The following KIF16B variants were observed in gnomAD, a reference collection of about 807,000 sequenced individuals.
KIF16B encodes kinesin-like protein KIF16B.
A neutral mutation model predicts 156.3 loss-of-function variants in KIF16B; 98 were observed. That is an observed-to-expected ratio of 0.63 (90% CI 0.53 to 0.74). The LOEUF (loss-of-function observed/expected upper bound fraction) is 0.74, where lower values mean the gene tolerates loss of function less well. Ranked by LOEUF, KIF16B falls within the 30% of genes least tolerant of loss-of-function variation. The pLI is 0.00. For synonymous variants in KIF16B, 564 were observed against 583.7 expected (o/e 0.97, Z 0.49); for missense variants, 1,421 against 1,606.5 (o/e 0.88, Z 1.97).
chr20:16,354,994 A>G (rs2064410668), intron 23 of KIF16B, among the ~76,000 whole-genome samples: 3 of 151,894 alleles, frequency 2.0e-5, no homozygotes, highest in South Asian at 2.1e-4. Flanking sequence ...TGCTTTCTCA[A>G]TGAAAACCTC....
intron 23 of KIF16B, among the ~76,000 whole-genome samples, chr20:16,347,060 C>T (rs1303860739): frequency 2.6e-5 from 4 of 152,034 alleles, no homozygotes; most frequent in Admixed American, 1.3e-4. Context: ...TTTCAGGTCC[C>T]GATTTCTTCA....
chr20:16,444,705 T>C (rs2066887881), intron 12 of KIF16B, among the ~76,000 whole-genome samples: 1 of 152,222 alleles, frequency 6.6e-6, no homozygotes, highest in Admixed American at 6.5e-5. Flanking sequence ...GTATCTACTT[T>C]AATGTATGTA....
At chr20:16,458,771 C>T (rs1007278007) in intron 12 of KIF16B, among the ~76,000 whole-genome samples, 4 of 152,104 alleles carry the variant, frequency 2.6e-5, no homozygotes, top group Non-Finnish European at 5.9e-5. Context: ...TAAACACACA[C>T]ACACACACAT....
At chr20:16,431,153 CACG>C (rs2066488429) in intron 12 of KIF16B, among the ~76,000 whole-genome samples, 1 of 152,078 alleles carries the variant, frequency 6.6e-6, no homozygotes, top group South Asian at 2.1e-4. Context: ...CCACCCGCAG[CACG>C]TGCCTCTGGC....
At chr20:16,486,877 T>C (rs2068131215) in intron 12 of KIF16B, among the ~76,000 whole-genome samples, 1 of 152,148 alleles carries the variant, frequency 6.6e-6, no homozygotes. Flanking sequence ...ATCTAAAATC[T>C]AGGAGAAATC....
chr20:16,351,948 T>A (rs1298525645), intron 23 of KIF16B, among the ~76,000 whole-genome samples: 2 of 152,216 alleles, frequency 1.3e-5, no homozygotes, highest in Non-Finnish European at 2.9e-5. Context: ...AGAAACAAAT[T>A]ACTGTTATAC....
intron 25 of KIF16B, among the ~76,000 whole-genome samples, chr20:16,302,089 C>T (rs879727168): frequency 1.3e-5 from 2 of 152,202 alleles, no homozygotes; most frequent in Non-Finnish European, 2.9e-5. Flanking sequence ...CCCTTCTCAT[C>T]CTCCTGACGG....
At chr20:16,367,783 G>A in intron 22 of KIF16B, 1 of 1,612,510 alleles carries the variant, frequency 6.2e-7, no homozygotes, top group East Asian at 2.2e-5. Context: ...GCAGGCAGCG[G>A]CATCAGGCTC....
chr20:16,468,207 G>C (rs574402441), intron 12 of KIF16B, among the ~76,000 whole-genome samples: 1 of 152,288 alleles, frequency 6.6e-6, no homozygotes, highest in East Asian at 1.9e-4. Context: ...CTAATCAAAA[G>C]AAAGTAGGAG....
At chr20:16,458,405 T>A (rs769638704) in intron 12 of KIF16B, among the ~76,000 whole-genome samples, 27 of 152,188 alleles carry the variant, frequency 1.8e-4, no homozygotes, top group Admixed American at 3.9e-4. Flanking sequence ...AAGCAAGCAT[T>A]AAGAAATCAA....
chr20:16,544,200 C>T (rs938282065), intron 1 of KIF16B, among the ~76,000 whole-genome samples: 1 of 152,110 alleles, frequency 6.6e-6, no homozygotes, highest in Non-Finnish European at 1.5e-5. Context: ...CAAACTGTTC[C>T]TTCTTGCAGG....
At chr20:16,444,849 C>T (rs190718312) in intron 12 of KIF16B, among the ~76,000 whole-genome samples, 17 of 152,312 alleles carry the variant, frequency 1.1e-4, no homozygotes, top group Admixed American at 1.0e-3. Context: ...AAAGCACAGA[C>T]ATTCATGATT....
intron 12 of KIF16B, among the ~76,000 whole-genome samples, chr20:16,476,799 G>A (rs563657763): frequency 3.9e-5 from 6 of 151,998 alleles, no homozygotes; most frequent in South Asian, 4.2e-4. Flanking sequence ...TCGCTCTGTC[G>A]CCAGGCTGGA....
intron 15 of KIF16B, among the ~76,000 whole-genome samples, chr20:16,410,018 CAT>C (rs532290716): frequency 1.3e-4 from 7 of 55,238 alleles, no homozygotes; most frequent in Non-Finnish European, 2.0e-4. Context: ...TATGTAGGTA[CAT>C]ATATATATGT....
intron 1 of KIF16B, among the ~76,000 whole-genome samples, chr20:16,541,188 C>T (rs1600661694): frequency 6.6e-6 from 1 of 152,218 alleles, no homozygotes; most frequent in Admixed American, 6.5e-5. Context: ...CCAACCACTC[C>T]TCGCTGTTCT....
chr20:16,469,705 C>A (rs1003752156), intron 12 of KIF16B, among the ~76,000 whole-genome samples: 3 of 152,134 alleles, frequency 2.0e-5, no homozygotes, highest in African/African-American at 7.2e-5. Flanking sequence ...GCAACAGGAA[C>A]TCTTGCTCAC....
chr20:16,373,462 TTTCTAAGGGCTCTAAGCCACAGA>T (rs1445617814), intron 20 of KIF16B, among the ~76,000 whole-genome samples: 3 of 152,230 alleles, frequency 2.0e-5, no homozygotes, highest in Non-Finnish European at 2.9e-5. Context: ...TAAGCTGATT[TTTCTAAGGGCTCTAAGCCACAGA>T]GCAATACACA....
In KIF16B at chr20:16,427,133, T is replaced by C. The variant is rs752910907; in HGVS notation, c.1583A>G (p.Gln528Arg). 1.2e-6 allele frequency: 2 copies of C among 1,610,612 alleles called. No homozygotes were observed. Among genetic ancestry groups the C allele is most frequent in the Non-Finnish European group, 1.7e-6 (2 of 1,178,270 alleles). Residue 528 changes from glutamine to arginine, a missense_variant, in exon 15 of 26, where the codon CAG (glutamine) becomes CGG (arginine). By Grantham distance (43) the Gln-to-Arg change is conservative. Coordinates refer to ENST00000354981, the MANE Select transcript of KIF16B (RefSeq NM_024704.5). ...ATTTAGATGTGTGGCCTCCACGATC[T>C]GAACACCATTCACAGAGCACTGGGA... ...SGSQCSVNGV[Q>R]IVEATHLNQG...
chr20:16,430,124 G>A (rs1340021626), intron 12 of KIF16B, 142 bp from the exon 13 acceptor site: 4 of 869,584 alleles, frequency 4.6e-6, no homozygotes, highest in Non-Finnish European at 6.8e-6. Flanking sequence ...TAAACTTCGT[G>A]TTGAAATCCT....
Sources: gnomAD v4.1 joint callset for allele counts (sites outside exome capture counted in the v4.1 genomes callset) on GRCh38, gnomAD v4.1.1 for gene constraint, MANE v1.5 for transcripts, NCBI Gene and HGNC (gene_info 2026-07-23, HGNC 2026-07-21) for gene names.